The following CDH20 variants were observed in gnomAD, a reference collection of about 807,000 sequenced individuals.
CDH20 encodes cadherin 20.
Under a neutral mutation model 74.2 loss-of-function variants are expected in CDH20, and 29 were observed. The ratio of observed to expected loss-of-function variants is 0.39; its 90% CI spans 0.29 to 0.53. The LOEUF is 0.53. Ranked by LOEUF, CDH20 falls within the 20% of genes least tolerant of loss-of-function variation. The probability of loss-of-function intolerance (pLI) is 0.69; values close to 1 mark genes in which losing one functional copy is unlikely to be tolerated. For missense variants in CDH20, 988 were observed against 1,048.3 expected (o/e 0.94, Z 0.79); for synonymous variants, 469 against 405.4 (o/e 1.16, Z -1.88).
chr18:61,554,993 C>T lies in CDH20; in HGVS notation c.*298C>T, dbSNP rs1311494266. On this transcript the variant is annotated 3_prime_UTR_variant, in exon 12 of 12. Coordinates refer to ENST00000262717, the MANE Select transcript of CDH20 (RefSeq NM_031891.4). ...AGGTGTTCTGACAAGGGTGGCTTTTCTCTGCCATTCGCTAAGGCCTTTGTC... is the reference window on the plus strand; with the variant it reads ...AGGTGTTCTGACAAGGGTGGCTTTTTTCTGCCATTCGCTAAGGCCTTTGTC... The T allele has an allele frequency of 4.1e-6, 5 of 1,224,732 alleles. No homozygotes were observed. Among genetic ancestry groups the T allele is most frequent in the African/African-American group, 3.0e-5 (2 of 66,268 alleles). 75.9% of individuals were successfully genotyped at this position (1,224,732 alleles called of 1,614,324 possible).
chr18:61,398,745 A>C lies in CDH20; in HGVS notation c.-153+64918A>C, dbSNP rs571501195. On this transcript the variant is annotated intron_variant, in intron 1 of 11. Transcript: ENST00000262717. ...GCTTTTCCTCTGTCCACTCCAGGTC[A>C]CTCTACAGGAATCAATGGCATTGTC... Among the ~76,000 whole-genome samples, 4 of 152,210 alleles carry C rather than the reference A, an allele frequency of 2.6e-5. No homozygotes were observed. In the South Asian group the frequency reaches 8.3e-4, roughly 32 times the overall value.
chr18:61,422,581 A>T (rs1255582538), intron 1 of CDH20, among the ~76,000 whole-genome samples: 1 of 152,058 alleles, frequency 6.6e-6, no homozygotes, highest in African/African-American at 2.4e-5. Flanking sequence ...TACATTTTTT[A>T]AAAAACCTCA....
chr18:61,543,663 C>T (rs1439725276), intron 9 of CDH20, among the ~76,000 whole-genome samples: 2 of 152,196 alleles, frequency 1.3e-5, no homozygotes, highest in East Asian at 3.9e-4. Context: ...GTCTGTTCTG[C>T]ATTTCTACTC....
intron 1 of CDH20, among the ~76,000 whole-genome samples, chr18:61,459,664 C>T (rs1334433510): frequency 6.6e-6 from 1 of 152,130 alleles, no homozygotes; most frequent in African/African-American, 2.4e-5. Flanking sequence ...GGCCCCACCC[C>T]GGGGTGACCT....
intron 1 of CDH20, among the ~76,000 whole-genome samples, chr18:61,451,622 G>A (rs1454784822): frequency 6.6e-6 from 1 of 151,974 alleles, no homozygotes; most frequent in Non-Finnish European, 1.5e-5. Context: ...ACAAGGGTGA[G>A]AAATAGTTTA....
intron 1 of CDH20, among the ~76,000 whole-genome samples, chr18:61,351,357 G>T (rs1248926250): frequency 3.3e-5 from 5 of 152,212 alleles, no homozygotes; most frequent in Admixed American, 2.6e-4. Context: ...GTTGCAGTCT[G>T]GTTGACTTTA....
chr18:61,534,286 G>T (rs1488699835), intron 7 of CDH20, among the ~76,000 whole-genome samples: 1 of 152,178 alleles, frequency 6.6e-6, no homozygotes, highest in Non-Finnish European at 1.5e-5. Flanking sequence ...CCGTTGATGA[G>T]AATGTTAGTA....
intron 1 of CDH20, among the ~76,000 whole-genome samples, chr18:61,473,766 G>A (rs76434815): frequency 0.012 from 1,892 of 152,246 alleles, 45 homozygotes; most frequent in African/African-American, 0.044. Context: ...ATTTTTCCAG[G>A]CAGCAGAGCT....
chr18:61,445,579 C>G (rs1909172387), intron 1 of CDH20, among the ~76,000 whole-genome samples: 1 of 152,168 alleles, frequency 6.6e-6, no homozygotes, highest in Non-Finnish European at 1.5e-5. Flanking sequence ...GTAACCTATT[C>G]CAAGTCACAT....
rs898945778 is a variant in CDH20, at chr18:61,339,681, A to ATTTTTTTTTTTT, written c.-153+5867_-153+5878dup. On this transcript the variant is annotated intron_variant, in intron 1 of 11. Transcript: ENST00000262717. ...ATGGATACATCTGATGGTCATAGAA[A>ATTTTTTTTTTTT]TTTTTTTTTTTTTTTTTTTTTTTTG... Among the ~76,000 whole-genome samples the ATTTTTTTTTTTT allele has an allele frequency of 8.6e-4, 76 of 88,416 alleles. 2 individuals are homozygous for ATTTTTTTTTTTT. The highest frequency in any genetic ancestry group is 8.1e-3 in the South Asian group (18 of 2,212). The allele number at this position is 88,416 out of a possible 152,430, so 58.0% of individuals were successfully genotyped here. A position where few individuals can be genotyped will look rare whatever the true frequency, so the allele number is the denominator to read the frequency against.
chr18:61,494,939 T>C (rs1911080552), intron 2 of CDH20, among the ~76,000 whole-genome samples: 3 of 152,182 alleles, frequency 2.0e-5, no homozygotes, highest in Non-Finnish European at 4.4e-5. Context: ...ACATCATTCT[T>C]GTTTTTGAAA....
At chr18:61,428,052 A>G (rs1913131847) in intron 1 of CDH20, among the ~76,000 whole-genome samples, 1 of 152,216 alleles carries the variant, frequency 6.6e-6, no homozygotes, top group Non-Finnish European at 1.5e-5. Context: ...ATAAAAATAC[A>G]TCAAATGCTG....
At chr18:61,354,652 A>G (rs907377557) in intron 1 of CDH20, among the ~76,000 whole-genome samples, 5 of 151,996 alleles carry the variant, frequency 3.3e-5, no homozygotes, top group Non-Finnish European at 5.9e-5. Context: ...TTTTCAAATG[A>G]GTAGCTAAAC....
chr18:61,427,978 G>A (rs966356980), intron 1 of CDH20, among the ~76,000 whole-genome samples: 3 of 152,170 alleles, frequency 2.0e-5, no homozygotes, highest in Non-Finnish European at 4.4e-5. Flanking sequence ...GTGTTGTCAT[G>A]AGTGTTAAAG....
intron 1 of CDH20, among the ~76,000 whole-genome samples, chr18:61,419,464 C>T (rs1249556810): frequency 6.6e-6 from 1 of 152,138 alleles, no homozygotes; most frequent in Non-Finnish European, 1.5e-5. Context: ...TACATATAAA[C>T]AAATGTGCAT....
chr18:61,549,109 T>A (rs749179568), intron 10 of CDH20, among the ~76,000 whole-genome samples: 5 of 152,176 alleles, frequency 3.3e-5, no homozygotes, highest in Non-Finnish European at 5.9e-5. Flanking sequence ...TAATCTGAGC[T>A]TTGCAAAAGT....
At chr18:61,515,185 C>A (rs9957871) in intron 6 of CDH20, among the ~76,000 whole-genome samples, 32 of 152,112 alleles carry the variant, frequency 2.1e-4, no homozygotes, top group Non-Finnish European at 3.8e-4. Context: ...GAGCCAGGTG[C>A]GGGATATAAT....
intron 1 of CDH20, among the ~76,000 whole-genome samples, chr18:61,386,857 T>G (rs1911617574): frequency 6.6e-6 from 1 of 152,208 alleles, no homozygotes; most frequent in African/African-American, 2.4e-5. Context: ...TATCTGTATA[T>G]TAAGAGAAAA....
intron 1 of CDH20, among the ~76,000 whole-genome samples, chr18:61,336,822 G>GA (rs1181742714): frequency 1.3e-5 from 2 of 150,932 alleles, no homozygotes; most frequent in Non-Finnish European, 3.0e-5. Flanking sequence ...ATATATGGGG[G>GA]GGGGTGATGA....
Sources: gnomAD v4.1 joint callset for allele counts (sites outside exome capture counted in the v4.1 genomes callset) on GRCh38, gnomAD v4.1.1 for gene constraint, MANE v1.5 for transcripts, NCBI Gene and HGNC (gene_info 2026-07-23, HGNC 2026-07-21) for gene names.